The following CLCN3 variants were observed in gnomAD, a reference collection of about 807,000 sequenced individuals.
CLCN3 encodes the protein Cl-/H+ antiporter 3, also known as H(+)/Cl(-) exchange transporter 3.
A neutral mutation model predicts 83.4 loss-of-function variants in CLCN3; 16 were observed. The observed-to-expected ratio is 0.19, with a 90% CI of 0.13 to 0.29. CLCN3 has a LOEUF of 0.29. Ranked by LOEUF, CLCN3 falls within the 10% of genes least tolerant of loss-of-function variation. The pLI is 1.00. For synonymous variants in CLCN3, 322 were observed against 346.2 expected, an observed-to-expected ratio of 0.93 and a Z score of 0.78; for missense variants, 544 against 1,006.0, an observed-to-expected ratio of 0.54 and a Z score of 6.21.
chr4:169,662,167 G>A (rs1035115497), intron 2 of CLCN3, among the ~76,000 whole-genome samples: 1 of 152,064 alleles, frequency 6.6e-6, no homozygotes, highest in African/African-American at 2.4e-5. Flanking sequence ...TTACCTAAAC[G>A]TAAGCTTTTT....
chr4:169,632,830 T>A (rs1773411202), intron 1 of CLCN3, among the ~76,000 whole-genome samples: 1 of 151,586 alleles, frequency 6.6e-6, no homozygotes, highest in African/African-American at 2.4e-5. Flanking sequence ...AGGAAATGAT[T>A]AAGAGATGTT....
intron 2 of CLCN3, among the ~76,000 whole-genome samples, chr4:169,643,943 A>G (rs987621367): frequency 2.0e-5 from 3 of 152,246 alleles, no homozygotes; most frequent in Non-Finnish European, 2.9e-5. Context: ...ATGTCTGGCA[A>G]AATCTTTAGC....
intron 7 of CLCN3, among the ~76,000 whole-genome samples, chr4:169,694,020 T>C (rs972646905): frequency 6.6e-6 from 1 of 152,150 alleles, no homozygotes; most frequent in African/African-American, 2.4e-5. Context: ...ATATGAGTTA[T>C]AGATACCTAG....
intron 9 of CLCN3, among the ~76,000 whole-genome samples, chr4:169,703,664 C>CTTTTTTTT (rs112073521): frequency 2.1e-5 from 3 of 142,370 alleles, no homozygotes; most frequent in African/African-American, 5.2e-5. Context: ...GCATATTGTC[C>CTTTTTTTT]TTTTTTTTTT....
In CLCN3 at chr4:169,635,973, C is replaced by T. The variant is rs752690413; in HGVS notation, c.45C>T (p.Ser15=). The change falls in exon 2 of 13, where the codon AGC becomes AGT. Residue 15 remains serine (S), a synonymous_variant. Coordinates refer to ENST00000513761, the MANE Select transcript of CLCN3 (RefSeq NM_001829.4). ...TCCATAGAGGCTACTATAGAAACAG[C>T]TACAACAGTATAACAAGTGCAAGTA... ...QLFHRGYYRN[S]YNSITSASSD... 43 of 1,612,728 alleles carry T rather than the reference C, an allele frequency of 2.7e-5. 1 individual carries two copies. Among genetic ancestry groups the T allele is most frequent in the Non-Finnish European group, 3.4e-5 (40 of 1,179,360 alleles).
intron 12 of CLCN3, among the ~76,000 whole-genome samples, chr4:169,715,936 G>C (rs1733407055): frequency 6.6e-6 from 1 of 152,102 alleles, no homozygotes; most frequent in Non-Finnish European, 1.5e-5. Context: ...TTGATTCCCA[G>C]ATGAGGGGAT....
At chr4:169,668,042 C>CGTTTTTTTTTTTTTTTTT (rs780656327) in intron 2 of CLCN3, among the ~76,000 whole-genome samples, 1 of 93,634 alleles carries the variant, frequency 1.1e-5, no homozygotes. Flanking sequence ...CCCGGCCAGA[C>CGTTTTTTTTTTTTTTTTT]ATTTTTTTTT....
chr4:169,712,760 C>G lies in CLCN3; in HGVS notation c.2150-319C>G, dbSNP rs184143668. Among the ~76,000 whole-genome samples the G allele has an allele frequency of 2.9e-3, 442 of 152,204 alleles. 3 individuals carry two copies. Among genetic ancestry groups the G allele is most frequent in the African/African-American group, 0.01 (422 of 41,538 alleles). On this transcript the variant is annotated intron_variant, in intron 11 of 12. Coordinates refer to ENST00000513761, the MANE Select transcript of CLCN3 (RefSeq NM_001829.4). Reference sequence around the variant, plus strand: ...AGAATTTGTGCAGGTTTTAAAATCCCGTATTCCAAACCCACTTCCTTAGCC... The same window carrying G: ...AGAATTTGTGCAGGTTTTAAAATCCGGTATTCCAAACCCACTTCCTTAGCC...
intron 2 of CLCN3, among the ~76,000 whole-genome samples, chr4:169,674,035 A>G (rs890609732): frequency 1.3e-5 from 2 of 152,242 alleles, no homozygotes; most frequent in South Asian, 4.1e-4. Context: ...CATTGATACC[A>G]TACTATGACA....
chr4:169,632,914 A>C (rs1429512553), intron 1 of CLCN3, among the ~76,000 whole-genome samples: 1 of 152,062 alleles, frequency 6.6e-6, no homozygotes, highest in African/African-American at 2.4e-5. Context: ...CAGTGTCATC[A>C]GATTCGAAGG....
chr4:169,654,904 A>T (rs1730836704), intron 2 of CLCN3, among the ~76,000 whole-genome samples: 1 of 152,080 alleles, frequency 6.6e-6, no homozygotes, highest in South Asian at 2.1e-4. Flanking sequence ...TTCTTTACTG[A>T]TTATTCTCCT....
At chr4:169,644,798 G>A (rs1730527163) in intron 2 of CLCN3, among the ~76,000 whole-genome samples, 1 of 152,140 alleles carries the variant, frequency 6.6e-6, no homozygotes, top group African/African-American at 2.4e-5. Flanking sequence ...GATTATCTGG[G>A]TATCTCTGAT....
intron 2 of CLCN3, among the ~76,000 whole-genome samples, chr4:169,646,101 G>A (rs781676459): frequency 1.3e-5 from 2 of 151,930 alleles, no homozygotes; most frequent in Non-Finnish European, 1.5e-5. Context: ...TGTGGGGAAG[G>A]GATATTCATA....
intron 9 of CLCN3, 110 bp from the exon 10 acceptor site, chr4:169,703,888 A>T: frequency 3.8e-6 from 4 of 1,058,530 alleles, no homozygotes; most frequent in South Asian, 1.5e-5. Flanking sequence ...TTGCTATATT[A>T]ATACAATGTG....
At chr4:169,695,842 A>G (rs1732540982) in intron 8 of CLCN3, 150 bp downstream of exon 8, 1 of 548,096 alleles carries the variant, frequency 1.8e-6, no homozygotes, top group Admixed American at 3.5e-5. Flanking sequence ...TTCTTAATAA[A>G]AAGTAAATGT....
At chr4:169,688,232 T>G (rs1351571531) in intron 4 of CLCN3, among the ~76,000 whole-genome samples, 1 of 152,168 alleles carries the variant, frequency 6.6e-6, no homozygotes, top group African/African-American at 2.4e-5. Flanking sequence ...GTCATACAGT[T>G]TAGTAAATGG....
chr4:169,663,167 G>T (rs2150221673), intron 2 of CLCN3: 1 of 138,130 alleles, frequency 7.2e-6, no homozygotes, highest in South Asian at 2.3e-4. Flanking sequence ...ATGTGTGTGT[G>T]TGCGTATATG....
At chr4:169,636,801 T>G (rs1051892605) in intron 2 of CLCN3, among the ~76,000 whole-genome samples, 15 of 151,378 alleles carry the variant, frequency 9.9e-5, no homozygotes, top group African/African-American at 3.4e-4. Flanking sequence ...CATGTGCATA[T>G]GTTTTAGTGC....
intron 1 of CLCN3, among the ~76,000 whole-genome samples, chr4:169,625,591 T>C (rs1773214292): frequency 6.6e-6 from 1 of 152,202 alleles, no homozygotes; most frequent in African/African-American, 2.4e-5. Flanking sequence ...CCTCGACATA[T>C]AATCCTAAAG....
Sources: gnomAD v4.1 joint callset for allele counts (sites outside exome capture counted in the v4.1 genomes callset) on GRCh38, gnomAD v4.1.1 for gene constraint, MANE v1.5 for transcripts, NCBI Gene and HGNC (gene_info 2026-07-23, HGNC 2026-07-21) for gene names.